Variants in IRF4 observed in about 807,000 individuals in gnomAD.
IRF4 encodes interferon regulatory factor 4, also known as lymphocyte-specific interferon regulatory factor.
In IRF4, 13 loss-of-function variants were observed where a neutral mutation model predicts 55.5. The observed-to-expected ratio is 0.23, with a 90% CI of 0.15 to 0.37. IRF4 has a LOEUF of 0.37. Ranked by LOEUF, IRF4 falls within the 10% of genes least tolerant of loss-of-function variation. The pLI, the probability that IRF4 is intolerant of heterozygous loss-of-function variation, is 1.00. For synonymous variants in IRF4, 249 were observed against 240.7 expected, an observed-to-expected ratio of 1.03 and a Z score of -0.32; for missense variants, 397 against 593.8, an observed-to-expected ratio of 0.67 and a Z score of 3.44.
Position 393,395 on chromosome 6 carries a change from G to A in IRF4, c.216+27G>A, listed in dbSNP as rs1420546948. On this transcript the variant is annotated intron_variant, in intron 2 of 8. Coordinates refer to ENST00000380956, the MANE Select transcript of IRF4 (RefSeq NM_002460.4). The surrounding 1 kb of genome is among the most constrained non-coding windows in gnomAD (Gnocchi z 5.4). ...TCTCCGGCCTCGGGAGCCGGCGGGG[G>A]CGCGCCGGGGAGGGCCCAGAGACAG... is the stretch of plus-strand genomic sequence containing the variant. 12 of 1,521,850 alleles carry A rather than the reference G, an allele frequency of 7.9e-6. No individual in the cohort carries two copies. In the East Asian group the frequency reaches 9.8e-5, roughly 12 times the overall value. 94.3% of individuals were successfully genotyped at this position (1,521,850 alleles called of 1,614,324 possible). A position where few individuals can be genotyped will look rare whatever the true frequency, so the allele number is the denominator to read the frequency against.
chr6:397,184 T>C lies in IRF4; in HGVS notation c.569T>C (p.Ile190Thr). 1 of 1,614,228 alleles carries C rather than the reference T, an allele frequency of 6.2e-7. No homozygotes were observed. The highest frequency in any genetic ancestry group is 8.5e-7 in the Non-Finnish European group (1 of 1,180,044). The stretch of plus-strand genomic sequence containing the variant: ...GTCCCGGATCAGCCACACCCGGAAA[T>C]CCCGTACCAATGTCCCATGACGTTT... ...DYVPDQPHPE[I>T]PYQCPMTFGP... The change falls in exon 5 of 9, where the codon ATC becomes ACC. Residue 190 changes from isoleucine to threonine, a missense_variant. Ile to Thr is a moderately conservative substitution (Grantham distance 89). Around this residue, in one of 3 missense-constraint regions of IRF4, gnomAD observed 341 missense variants for 548.1 expected, o/e 0.62. Transcript: ENST00000380956.
intron 8 of IRF4, among the ~76,000 whole-genome samples, chr6:406,552 C>CAA (rs56116020): frequency 2.0e-5 from 3 of 151,160 alleles, no homozygotes; most frequent in South Asian, 2.1e-4. Flanking sequence ...AAAAAAAAAA[C>CAA]AAAAAAAGAA....
At chr6:399,896 C>A (rs1761355857) in intron 6 of IRF4, among the ~76,000 whole-genome samples, 1 of 152,128 alleles carries the variant, frequency 6.6e-6, no homozygotes, top group African/African-American at 2.4e-5. Flanking sequence ...TGCTTCTGAG[C>A]AGGAAGGCTT....
chr6:392,029 G>A (rs778445834), intron 1 of IRF4: 37 of 349,212 alleles, frequency 1.1e-4, no homozygotes, highest in Non-Finnish European at 1.8e-4. Context: ...CTCTGCCCGA[G>A]CCTCCCCGCC....
chr6:400,532 T>G (rs1761368671), intron 6 of IRF4, among the ~76,000 whole-genome samples: 1 of 152,222 alleles, frequency 6.6e-6, no homozygotes, highest in African/African-American at 2.4e-5. Context: ...ACATGAACTT[T>G]TAGAGTATTT....
At chr6:394,698 T>G (rs1761208185) in intron 2 of IRF4, 123 bp from the exon 3 acceptor site, 49 of 874,688 alleles carry the variant, frequency 5.6e-5, no homozygotes, top group Non-Finnish European at 8.0e-5. Context: ...GATGCTGCGG[T>G]GAGCTATCAT....
At position 393,719 on chromosome 6, in the gene IRF4, G is replaced by T. The variant is rs1013421365; in HGVS notation, c.216+351G>T. On this transcript the variant is annotated intron_variant, in intron 2 of 8. Transcript: ENST00000380956. The surrounding 1 kb of genome is among the most constrained non-coding windows in gnomAD (Gnocchi z 5.4). The stretch of plus-strand genomic sequence containing the variant: ...CCTCCCGCCCTTCCTCCGGGCTCCC[G>T]TCTGCCGCCTCCGTCCGTGGGTCCC... 2.0e-5 allele frequency among the ~76,000 whole-genome samples: 3 copies of T among 151,976 alleles called. No individual in the cohort carries two copies. The highest frequency in any genetic ancestry group is 4.4e-5 in the Non-Finnish European group (3 of 67,960).
At chr6:392,000 C>A (rs1040166200) in intron 1 of IRF4, 191 bp downstream of exon 1, 35 of 369,610 alleles carry the variant, frequency 9.5e-5, no homozygotes, top group South Asian at 6.6e-4. Context: ...GGTTTGGGCT[C>A]CAAGGCCCGC....
At chr6:405,783 A>G (rs1274554339) in intron 8 of IRF4, among the ~76,000 whole-genome samples, 1 of 149,026 alleles carries the variant, frequency 6.7e-6, no homozygotes, top group Non-Finnish European at 1.5e-5. Flanking sequence ...GATTAGGGTT[A>G]GAGTTTTCTT....
rs1044634939 is a variant in IRF4 at position 408,475 on chromosome 6, T to C, written c.*877T>C. The C allele has an allele frequency of 8.8e-6, 2 of 227,884 alleles. No homozygotes were observed. The highest frequency in any genetic ancestry group is 1.7e-5 in the Non-Finnish European group (2 of 114,638). The allele number at this position is 227,884 out of a possible 1,614,324, so 14.1% of individuals were successfully genotyped here. ...TTCTTGAGTCAAAAAACATGAGCGC[T>C]ACTCTTGGATGGGACATTTTTGTCT... is the stretch of plus-strand genomic sequence containing the variant. On this transcript the variant is annotated 3_prime_UTR_variant, in exon 9 of 9. Transcript: ENST00000380956.
At chr6:392,622 A>C (rs984522885) in intron 1 of IRF4, among the ~76,000 whole-genome samples, 2 of 152,174 alleles carry the variant, frequency 1.3e-5, no homozygotes, top group African/African-American at 4.8e-5. Context: ...GCGCCCCTGG[A>C]ACGCCCGGCC....
intron 8 of IRF4, among the ~76,000 whole-genome samples, chr6:405,804 A>C (rs1761529359): frequency 6.6e-6 from 1 of 152,220 alleles, no homozygotes; most frequent in Non-Finnish European, 1.5e-5. Context: ...TTTTATGAGA[A>C]AAGGTTTCCA....
rs200179171 is a variant in IRF4 at position 398,779 on chromosome 6, C to T, written c.638-49C>T. On this transcript the variant is annotated intron_variant, in intron 5 of 8. Coordinates refer to ENST00000380956, the MANE Select transcript of IRF4 (RefSeq NM_002460.4). ...ACACACCCCAGGAAGCCCCGCGGTG[C>T]GTCGGACTCTCTGTCTAGACATCAT... 1.6e-4 allele frequency: 220 copies of T among 1,403,024 alleles called. No homozygotes were observed. In the East Asian group the frequency reaches 4.3e-3, roughly 27 times the overall value. 86.9% of individuals were successfully genotyped at this position (1,403,024 alleles called of 1,614,324 possible).
At position 410,452 on chromosome 6, in the gene IRF4, G is replaced by A. The variant is rs1252867187; in HGVS notation, c.*2854G>A. The A allele has an allele frequency of 1.3e-5, 3 of 229,136 alleles. No homozygotes were observed. Among genetic ancestry groups the A allele is most frequent in the African/African-American group, 6.6e-5 (3 of 45,126 alleles). The allele number at this position is 229,136 out of a possible 1,614,324, so 14.2% of individuals were successfully genotyped here. Reference sequence around the variant, plus strand: ...TAGACTATTGGGTATGAACTAAAAAGAGACTGTGCCATGGTGAGAAAAATG... The same window carrying A: ...TAGACTATTGGGTATGAACTAAAAAAAGACTGTGCCATGGTGAGAAAAATG... On this transcript the variant is annotated 3_prime_UTR_variant, in exon 9 of 9. Transcript: ENST00000380956.
chr6:406,239 C>A (rs1014623184), intron 8 of IRF4, among the ~76,000 whole-genome samples: 1 of 152,166 alleles, frequency 6.6e-6, no homozygotes, highest in African/African-American at 2.4e-5. Context: ...CATTGATAAG[C>A]AGCATTTAAG....
chr6:409,073 T>C lies in IRF4; in HGVS notation c.*1475T>C. ...AGGATATTTACTATTACTCCCAGGA[T>C]CAGCAGAAGATTGCGTAGCTCTCAA... On this transcript the variant is annotated 3_prime_UTR_variant, in exon 9 of 9. Transcript: ENST00000380956. 2 of 216,452 alleles carry C rather than the reference T, an allele frequency of 9.2e-6. No homozygotes were observed. Among genetic ancestry groups the C allele is most frequent in the Non-Finnish European group, 1.9e-5 (2 of 107,204 alleles). 13.4% of individuals were successfully genotyped at this position (216,452 alleles called of 1,614,324 possible).
At chr6:392,615 C>A (rs1466702489) in intron 1 of IRF4, among the ~76,000 whole-genome samples, 1 of 152,236 alleles carries the variant, frequency 6.6e-6, no homozygotes, top group East Asian at 1.9e-4. Context: ...CGGGGCTGCG[C>A]CCCTGGAACG....
chr6:397,522 C>T (rs980223756), intron 5 of IRF4: 16 of 388,106 alleles, frequency 4.1e-5, no homozygotes, highest in African/African-American at 6.1e-5. Flanking sequence ...GGAAAACAGC[C>T]CCCCACTTTT....
chr6:400,074 C>T (rs1020054201), intron 6 of IRF4, among the ~76,000 whole-genome samples: 1 of 152,064 alleles, frequency 6.6e-6, no homozygotes. Context: ...ATGGCCAACA[C>T]CCACTCTCTT....
Sources: allele counts gnomAD v4.1 joint callset (sites outside exome capture counted in the v4.1 genomes callset), GRCh38; gene constraint gnomAD v4.1.1; regional missense constraint gnomAD v4.1.1; non-coding constraint Gnocchi (gnomAD v3.1); transcripts MANE v1.5; gene names NCBI Gene and HGNC (gene_info 2026-07-23, HGNC 2026-07-21).